BTBD9: variants seen among roughly 807,000 people sequenced by gnomAD.
BTBD9 encodes BTB domain containing 9.
Under a neutral mutation model 64.3 loss-of-function variants are expected in BTBD9, and 49 were observed. That is an observed-to-expected ratio of 0.76 (90% CI 0.61 to 0.97). The LOEUF is 0.97. Ranked by LOEUF, BTBD9 falls within the 50% of genes least tolerant of loss-of-function variation. BTBD9 has a pLI of 0.00. For missense variants in BTBD9, 598 were observed against 762.1 expected (o/e 0.78, Z 2.53); for synonymous variants, 260 against 274.7 (o/e 0.95, Z 0.53).
intron 9 of BTBD9, among the ~76,000 whole-genome samples, chr6:38,217,531 C>T (rs1306856794): frequency 6.6e-6 from 1 of 151,982 alleles, no homozygotes; most frequent in East Asian, 1.9e-4. Flanking sequence ...ATGCAGCTCT[C>T]AAAAGTATTC....
intron 7 of BTBD9, among the ~76,000 whole-genome samples, chr6:38,312,299 C>A (rs1762868928): frequency 6.6e-6 from 1 of 152,024 alleles, no homozygotes; most frequent in Non-Finnish European, 1.5e-5. Context: ...CTTATATATT[C>A]TGGTTATTAA....
At chr6:38,614,861 C>T (rs138036432) in intron 1 of BTBD9, among the ~76,000 whole-genome samples, 17 of 152,340 alleles carry the variant, frequency 1.1e-4, no homozygotes, top group Admixed American at 4.6e-4. Context: ...CATGCAGGAG[C>T]CAGAAAGAAT....
At chr6:38,185,044 G>A (rs1226490062) in intron 10 of BTBD9, among the ~76,000 whole-genome samples, 2 of 152,128 alleles carry the variant, frequency 1.3e-5, no homozygotes, top group Non-Finnish European at 2.9e-5. Flanking sequence ...ATAAGGAGCG[G>A]TGAGCCTGCA....
chr6:38,365,288 C>G (rs568099347), intron 6 of BTBD9, among the ~76,000 whole-genome samples: 1 of 152,242 alleles, frequency 6.6e-6, no homozygotes, highest in South Asian at 2.1e-4. Context: ...CTAACTCATT[C>G]AAGCTCACAA....
chr6:38,463,353 T>A (rs1483097720), intron 6 of BTBD9, among the ~76,000 whole-genome samples: 1 of 152,236 alleles, frequency 6.6e-6, no homozygotes, highest in African/African-American at 2.4e-5. Flanking sequence ...CCTTTCTAAT[T>A]TGGATGCCTT....
chr6:38,341,082 A>G (rs1764078906), intron 7 of BTBD9, among the ~76,000 whole-genome samples: 1 of 152,226 alleles, frequency 6.6e-6, no homozygotes, highest in Admixed American at 6.5e-5. Context: ...AAAACAGACA[A>G]AGATAGACAG....
intron 6 of BTBD9, among the ~76,000 whole-genome samples, chr6:38,502,347 T>G (rs1772249190): frequency 6.6e-6 from 1 of 152,258 alleles, no homozygotes; most frequent in Non-Finnish European, 1.5e-5. Context: ...CCATGGTGTA[T>G]TCTCTTCATT....
chr6:38,361,563 G>A (rs897556792), intron 6 of BTBD9, among the ~76,000 whole-genome samples: 1 of 151,832 alleles, frequency 6.6e-6, no homozygotes, highest in African/African-American at 2.4e-5. Flanking sequence ...AACAACAGCT[G>A]GGCATAGTGG....
At chr6:38,328,564 C>CGTGTGTGTGT (rs201357884) in intron 7 of BTBD9, among the ~76,000 whole-genome samples, 2,241 of 130,458 alleles carry the variant, frequency 0.017, 56 homozygotes, top group East Asian at 0.061. Flanking sequence ...TTTAAGCCAC[C>CGTGTGTGTGT]GTGTGTGTGT....
chr6:38,428,370 T>G (rs1207981361), intron 6 of BTBD9, among the ~76,000 whole-genome samples: 1 of 151,854 alleles, frequency 6.6e-6, no homozygotes, highest in Non-Finnish European at 1.5e-5. Flanking sequence ...GTTAGCATGT[T>G]AGCACTTGCT....
chr6:38,435,488 A>ATT (rs1768673148), intron 6 of BTBD9, among the ~76,000 whole-genome samples: 1 of 151,824 alleles, frequency 6.6e-6, no homozygotes, highest in South Asian at 2.1e-4. Context: ...GTTCTTAAAA[A>ATT]AAGTCTAGAA....
At chr6:38,531,326 A>C (rs533400762) in intron 6 of BTBD9, among the ~76,000 whole-genome samples, 1 of 152,360 alleles carries the variant, frequency 6.6e-6, no homozygotes, top group Admixed American at 6.5e-5. Flanking sequence ...TTTTATCCTA[A>C]AACAGTGTAC....
intron 8 of BTBD9, among the ~76,000 whole-genome samples, chr6:38,279,518 T>A (rs1761421382): frequency 6.6e-6 from 1 of 152,142 alleles, no homozygotes; most frequent in Non-Finnish European, 1.5e-5. Flanking sequence ...AAAAGCTATA[T>A]TAAAGCAATT....
chr6:38,358,938 A>AT (rs1764844813), intron 6 of BTBD9, among the ~76,000 whole-genome samples: 1 of 150,384 alleles, frequency 6.6e-6, no homozygotes, highest in Non-Finnish European at 1.5e-5. Flanking sequence ...CGCCCGGCTA[A>AT]TTTTTTGTAT....
At position 38,329,524 on chromosome 6, in the gene BTBD9, T is replaced by C. The variant is rs910010451; in HGVS notation, c.1264+15460A>G. On this transcript the variant is annotated intron_variant, in intron 7 of 10. Transcript: ENST00000481247. Reference sequence around the variant, plus strand: ...TTTTGGTAGAGGCGGAATTTTGCCATGTTGGCCAGGCCGGTCTCAAACTCC... The same window carrying C: ...TTTTGGTAGAGGCGGAATTTTGCCACGTTGGCCAGGCCGGTCTCAAACTCC... Among the ~76,000 whole-genome samples the C allele has an allele frequency of 2.6e-5, 4 of 152,062 alleles. No individual in the cohort carries two copies. The Middle Eastern group carries it at 0.01, about 388-fold the overall frequency.
chr6:38,418,247 T>C (rs898882367), intron 6 of BTBD9, among the ~76,000 whole-genome samples: 6 of 152,248 alleles, frequency 3.9e-5, no homozygotes, highest in East Asian at 1.9e-4. Context: ...GGAATAAATA[T>C]GTTTAGGGTT....
chr6:38,203,329 A>C (rs547692393), intron 9 of BTBD9, among the ~76,000 whole-genome samples: 1 of 152,310 alleles, frequency 6.6e-6, no homozygotes, highest in East Asian at 1.9e-4. Flanking sequence ...CTAAAAGTAC[A>C]ACTATAGGAA....
At chr6:38,345,512 A>C (rs559275370) in intron 6 of BTBD9, among the ~76,000 whole-genome samples, 163 of 152,380 alleles carry the variant, frequency 1.1e-3, no homozygotes, top group Non-Finnish European at 1.8e-3. Flanking sequence ...TCAATGGAAG[A>C]TTTAATCCAC....
At chr6:38,270,747 C>T (rs1272305625) in intron 8 of BTBD9, among the ~76,000 whole-genome samples, 1 of 152,206 alleles carries the variant, frequency 6.6e-6, no homozygotes, top group Non-Finnish European at 1.5e-5. Context: ...CTAGTTATTT[C>T]CTTAGCCTAT....
Sources: gnomAD v4.1 joint callset for allele counts (sites outside exome capture counted in the v4.1 genomes callset) on GRCh38, gnomAD v4.1.1 for gene constraint, MANE v1.5 for transcripts, NCBI Gene and HGNC (gene_info 2026-07-23, HGNC 2026-07-21) for gene names.